Variants in ANK2 observed in about 807,000 individuals in gnomAD.
The protein encoded by ANK2 is ankyrin-2.
In ANK2, 83 loss-of-function variants were observed where a neutral mutation model predicts 360.5. The observed-to-expected ratio is 0.23, with a 90% CI of 0.19 to 0.28. The LOEUF (loss-of-function observed/expected upper bound fraction) is 0.28, where lower values mean the gene tolerates loss of function less well. ANK2 is among the 10% of genes least tolerant of loss of function. The pLI is 1.00. For missense variants in ANK2, 4,201 were observed against 4,795.7 expected (o/e 0.88, Z 3.66); for synonymous variants, 1,740 against 1,759.5 (o/e 0.99, Z 0.28).
At chr4:112,814,755 T>C (rs74591892), upstream of ANK2, among the ~76,000 whole-genome samples, 142 of 152,330 alleles carry the variant, frequency 9.3e-4, no homozygotes, top group African/African-American at 3.3e-3. Flanking sequence ...GTGATGATGG[T>C]AGCCTGTGCT....
chr4:112,983,519 A>G (rs2043817565), intron 2 of ANK2, among the ~76,000 whole-genome samples: 1 of 152,042 alleles, frequency 6.6e-6, no homozygotes, highest in Admixed American at 6.6e-5. Context: ...TCTACTAAAA[A>G]AAAAATACAA....
At chr4:113,061,304 T>C (rs2073231864) in intron 1 of ANK2, among the ~76,000 whole-genome samples, 1 of 152,058 alleles carries the variant, frequency 6.6e-6, no homozygotes, top group African/African-American at 2.4e-5. Flanking sequence ...GATAAAAAAT[T>C]ACTGTTGGAA....
chr4:112,880,991 CTA>C (rs1264506952), intron 1 of ANK2: 2 of 152,174 alleles, frequency 1.3e-5, no homozygotes, highest in Non-Finnish European at 2.9e-5. Flanking sequence ...AAAATGATGA[CTA>C]TGCTTCTTAC....
At chr4:112,939,578 G>A (rs1426410989) in intron 2 of ANK2, among the ~76,000 whole-genome samples, 2 of 151,890 alleles carry the variant, frequency 1.3e-5, no homozygotes, top group Non-Finnish European at 2.9e-5. Context: ...GCCTCCCAAA[G>A]TGCTGGGATT....
chr4:113,163,171 C>G lies in ANK2; in HGVS notation c.85-11245C>G, dbSNP rs184896776. On this transcript the variant is annotated intron_variant, in intron 1 of 45. Transcript: ENST00000357077. Reference sequence around the variant, plus strand: ...AAAGATTTGTTGACACTGTTGTGCACCAGTGGGCTGGCATGATGGGAGTGA... The same window carrying G: ...AAAGATTTGTTGACACTGTTGTGCAGCAGTGGGCTGGCATGATGGGAGTGA... 6.6e-5 allele frequency among the ~76,000 whole-genome samples: 10 copies of G among 152,144 alleles called. No homozygotes were observed. The East Asian group carries it at 1.9e-3, about 29-fold the overall frequency.
Position 113,367,765 on chromosome 4 carries a change from T to A in ANK2, c.11232T>A (p.Thr3744=). ...CAGCAACAGCACTCTTTCCCCAAAC[T>A]CACAAGGAGCAAGTTCAACAGGATT... ...DSSATALFPQ[T]HKEQVQQDFS... The change falls in exon 42 of 46, where the codon ACT becomes ACA. Residue 3744 remains threonine, a synonymous_variant. Coordinates refer to ENST00000357077, the MANE Select transcript of ANK2 (RefSeq NM_001148.6). The A allele has an allele frequency of 1.2e-6, 2 of 1,613,892 alleles. No homozygotes were observed. Among genetic ancestry groups the A allele is most frequent in the Non-Finnish European group, 1.7e-6 (2 of 1,179,994 alleles).
the ANK2 span, among the ~76,000 whole-genome samples, chr4:112,721,541 CAAAAAAAA>C: frequency 6.4e-5 from 3 of 46,876 alleles, no homozygotes; most frequent in Admixed American, 6.9e-4. Context: ...GACCCCATCT[CAAAAAAAA>C]AAAAAAAAAA....
the ANK2 span, among the ~76,000 whole-genome samples, chr4:112,790,484 CTTTTT>C: frequency 7.0e-5 from 8 of 113,754 alleles, no homozygotes; most frequent in South Asian, 9.0e-4. Flanking sequence ...CTTTTCTTTT[CTTTTT>C]TTTTTTTTTT....
chr4:112,993,516 C>T (rs2154280088), intron 2 of ANK2, among the ~76,000 whole-genome samples: 1 of 151,956 alleles, frequency 6.6e-6, no homozygotes, highest in African/African-American at 2.4e-5. Context: ...CCATTGTGGC[C>T]AGGCTGGTCT....
chr4:113,061,739 A>G (rs1285546912), intron 1 of ANK2, among the ~76,000 whole-genome samples: 1 of 152,132 alleles, frequency 6.6e-6, no homozygotes, highest in African/African-American at 2.4e-5. Flanking sequence ...CTGTTGTTTA[A>G]TGCGCACAAA....
Position 112,919,118 on chromosome 4 carries a change from G to T in ANK2, c.21+14604G>T, listed in dbSNP as rs185603912. ...CTTAGAAGAAATCTCTTAGTATACT[G>T]GAATATGCATACTAATATTGTCTTC... On this transcript the variant is annotated intron_variant, in intron 2 of 30. Coordinates refer to the ANK2 transcript ENST00000503271. Among the ~76,000 whole-genome samples, 340 of 152,160 alleles carry T rather than the reference G, an allele frequency of 2.2e-3. 4 individuals are homozygous for T. Among genetic ancestry groups the T allele is most frequent in the African/African-American group, 7.7e-3 (318 of 41,522 alleles).
chr4:112,896,393 T>C (rs1052723492), intron 1 of ANK2, among the ~76,000 whole-genome samples: 1 of 152,200 alleles, frequency 6.6e-6, no homozygotes, highest in Non-Finnish European at 1.5e-5. Context: ...GTTAAGCCCT[T>C]TGCTTTATTT....
At chr4:113,174,612 T>A in intron 2 of ANK2, 95 bp downstream of exon 2, 1 of 1,023,506 alleles carries the variant, frequency 9.8e-7, no homozygotes, top group Non-Finnish European at 1.5e-6. Flanking sequence ...TTAAAAATAC[T>A]AAAATATCAG....
At chr4:112,821,113 C>G (rs2056888247) in intron 1 of ANK2, among the ~76,000 whole-genome samples, 1 of 152,036 alleles carries the variant, frequency 6.6e-6, no homozygotes, top group Non-Finnish European at 1.5e-5. Flanking sequence ...CGGGGTTTCT[C>G]CATGTTGGTC....
At chr4:113,287,806 G>A in intron 19 of ANK2, 103 bp downstream of exon 19, 1 of 918,284 alleles carries the variant, frequency 1.1e-6, no homozygotes, top group Non-Finnish European at 1.7e-6. Context: ...CTCCTCAAGA[G>A]TCCATTCTGA....
chr4:112,832,065 C>G (rs565917806), intron 1 of ANK2, among the ~76,000 whole-genome samples: 19 of 152,262 alleles, frequency 1.2e-4, no homozygotes, highest in Admixed American at 6.5e-4. Context: ...CCACCAATTC[C>G]GGACACAAGA....
rs116428882 is a variant in ANK2 at position 113,084,734 on chromosome 4, A to G, written c.84+34922A>G. On this transcript the variant is annotated intron_variant, in intron 1 of 45. Coordinates refer to ENST00000357077, the MANE Select transcript of ANK2 (RefSeq NM_001148.6). The stretch of plus-strand genomic sequence containing the variant: ...CTAAGCAAGATGATTTTCTCTGAAC[A>G]TACGTGCAACACATTACCTTGTATT... Among the ~76,000 whole-genome samples the G allele has an allele frequency of 9.4e-3, 1,428 of 152,356 alleles. 9 individuals are homozygous for G. The highest frequency in any genetic ancestry group is 0.014 in the Non-Finnish European group (968 of 68,038).
intron 3 of ANK2, among the ~76,000 whole-genome samples, chr4:113,197,726 C>G (rs188829504): frequency 1.4e-4 from 22 of 152,274 alleles, no homozygotes; most frequent in Non-Finnish European, 2.5e-4. Context: ...AAAAACAAAA[C>G]AAACTAACAA....
chr4:112,816,853 A>C (rs956134785), upstream of ANK2, among the ~76,000 whole-genome samples: 1 of 152,232 alleles, frequency 6.6e-6, no homozygotes, highest in Non-Finnish European at 1.5e-5. Context: ...TGTACTAAAA[A>C]TACAAAAATT....
Sources: allele counts gnomAD v4.1 joint callset (sites outside exome capture counted in the v4.1 genomes callset), GRCh38; gene constraint gnomAD v4.1.1; transcripts MANE v1.5; gene names NCBI Gene and HGNC (gene_info 2026-07-23, HGNC 2026-07-21).